ABCA10: variants seen among roughly 807,000 people sequenced by gnomAD.
ABCA10 encodes the protein ATP binding cassette subfamily A member 10, also known as ATP-binding cassette sub-family A member 10.
Under a neutral mutation model 187.5 loss-of-function variants are expected in ABCA10, and 169 were observed. The ratio of observed to expected loss-of-function variants is 0.90; its 90% CI spans 0.80 to 1.02. The LOEUF (loss-of-function observed/expected upper bound fraction) is 1.02, where lower values mean the gene tolerates loss of function less well. ABCA10 is among the 50% of genes least tolerant of loss of function. The pLI, the probability that ABCA10 is intolerant of heterozygous loss-of-function variation, is 0.00. For synonymous variants in ABCA10, 574 were observed against 601.8 expected, an observed-to-expected ratio of 0.95 and a Z score of 0.68; for missense variants, 1,727 against 1,812.4, an observed-to-expected ratio of 0.95 and a Z score of 0.86.
chr17:69,205,020 G>A (rs532395159), intron 9 of ABCA10, among the ~76,000 whole-genome samples: 2 of 152,038 alleles, frequency 1.3e-5, no homozygotes, highest in Non-Finnish European at 2.9e-5. Context: ...TCCAGCTACT[G>A]GGGAGGCTGA....
chr17:69,201,130 C>T (rs755962726), intron 10 of ABCA10, among the ~76,000 whole-genome samples: 24 of 152,190 alleles, frequency 1.6e-4, no homozygotes, highest in Non-Finnish European at 2.5e-4. Context: ...AGTCCCTATA[C>T]TCCCTATGGG....
chr17:69,195,692 G>A (rs1335686211), intron 11 of ABCA10, among the ~76,000 whole-genome samples: 1 of 151,660 alleles, frequency 6.6e-6, no homozygotes, highest in East Asian at 1.9e-4. Context: ...GCTTTCCTAG[G>A]CAGAGGACCC....
intron 27 of ABCA10, among the ~76,000 whole-genome samples, chr17:69,159,335 T>C (rs1026900516): frequency 6.6e-6 from 1 of 152,064 alleles, no homozygotes; most frequent in Admixed American, 6.6e-5. Flanking sequence ...ATATATGTAA[T>C]GGTAGTTCCA....
intron 6 of ABCA10, among the ~76,000 whole-genome samples, chr17:69,217,975 A>G (rs1323283802): frequency 6.6e-6 from 1 of 152,202 alleles, no homozygotes; most frequent in Non-Finnish European, 1.5e-5. Context: ...AAAATCTGCT[A>G]TCTTGTACCC....
rs1258425175 is a variant in ABCA10, at chr17:69,156,925, TAAAAG to T, written c.3364-7_3364-3del. ...GAAAATAACACTCTGAAGGTATGGC[TAAAAG>T]AAAAGAAAAATAATCAGAATTAGCA... On this transcript the variant is annotated splice_polypyrimidine_tract_variant and splice_region_variant and intron_variant, in intron 27 of 38. Transcript: ENST00000690296. The T allele has an allele frequency of 1.3e-6, 2 of 1,548,650 alleles. No homozygotes were observed. The highest frequency in any genetic ancestry group is 1.8e-6 in the Non-Finnish European group (2 of 1,140,280).
At chr17:69,201,145 T>C (rs978191480) in intron 10 of ABCA10, among the ~76,000 whole-genome samples, 1 of 152,244 alleles carries the variant, frequency 6.6e-6, no homozygotes. Flanking sequence ...TATGGGAAGA[T>C]AGTCTAAGTT....
intron 11 of ABCA10, 70 bp from the exon 12 acceptor site, chr17:69,194,565 A>G (rs113498163): frequency 1.4e-5 from 14 of 1,004,818 alleles, no homozygotes; most frequent in African/African-American, 9.8e-5. Flanking sequence ...TAAAATTGGA[A>G]AAGTAAAATA....
chr17:69,228,051 A>G lies in ABCA10; in HGVS notation c.-313+530T>C, dbSNP rs138900197. Among the ~76,000 whole-genome samples, 677 of 152,116 alleles carry G rather than the reference A, an allele frequency of 4.5e-3. 8 individuals carry two copies. The highest frequency in any genetic ancestry group is 0.015 in the African/African-American group (636 of 41,560). On this transcript the variant is annotated intron_variant, in intron 1 of 38. Coordinates refer to ENST00000690296, the MANE Select transcript of ABCA10 (RefSeq NM_001377321.1). ...TATATACAAATTACAATGTTCAGAGAGAACTTGCTATATTTCCCCTTTTTC... is the reference window on the plus strand; with the variant it reads ...TATATACAAATTACAATGTTCAGAGGGAACTTGCTATATTTCCCCTTTTTC...
At chr17:69,187,249 T>C (rs993647164) in intron 19 of ABCA10, among the ~76,000 whole-genome samples, 8 of 152,158 alleles carry the variant, frequency 5.3e-5, no homozygotes, top group Non-Finnish European at 7.4e-5. Flanking sequence ...TTCCACCATA[T>C]ATTTCATACC....
At chr17:69,152,296 C>T (rs991491528) in intron 35 of ABCA10, 66 bp downstream of exon 35, 91 of 1,581,992 alleles carry the variant, frequency 5.8e-5, no homozygotes, top group Non-Finnish European at 7.6e-5. Context: ...ATCAGCTGTT[C>T]ATAGCAAACT....
At chr17:69,166,367 T>C (rs965389340) in intron 25 of ABCA10, among the ~76,000 whole-genome samples, 1 of 151,270 alleles carries the variant, frequency 6.6e-6, no homozygotes, top group African/African-American at 2.4e-5. Context: ...AATTGCTTGA[T>C]ATGTACCATA....
intron 25 of ABCA10, among the ~76,000 whole-genome samples, chr17:69,170,061 G>A (rs765078275): frequency 5.3e-5 from 8 of 152,074 alleles, no homozygotes; most frequent in Non-Finnish European, 7.4e-5. Flanking sequence ...GCCAAGGTAG[G>A]CGGGTCACCT....
intron 1 of ABCA10, chr17:69,235,107 A>C (rs1156297261): frequency 6.6e-6 from 1 of 152,264 alleles, no homozygotes; most frequent in Non-Finnish European, 1.5e-5. Context: ...TTATTTAAAA[A>C]GACGATAAAC....
chr17:69,221,971 T>C (rs1386807678), intron 4 of ABCA10, 76 bp from the exon 5 acceptor site: 1 of 1,067,146 alleles, frequency 9.4e-7, no homozygotes, highest in Non-Finnish European at 1.4e-6. Flanking sequence ...TAACTTTGGC[T>C]CAAAAATCAA....
At chr17:69,232,905 G>A (rs2074840958), upstream of ABCA10, 1 of 152,150 alleles carries the variant, frequency 6.6e-6, no homozygotes, top group South Asian at 2.1e-4. Context: ...GGCCTGTAAG[G>A]TTTCTGCTGG....
intron 25 of ABCA10, among the ~76,000 whole-genome samples, chr17:69,166,567 G>T (rs1411571624): frequency 1.3e-5 from 2 of 152,028 alleles, no homozygotes; most frequent in Admixed American, 1.3e-4. Flanking sequence ...ATACCTATAG[G>T]CTTTAATACA....
chr17:69,163,937 G>A (rs1175849859), intron 27 of ABCA10, 137 bp downstream of exon 27: 1 of 563,108 alleles, frequency 1.8e-6, no homozygotes, highest in East Asian at 3.4e-5. Context: ...TTTAGTTCTT[G>A]CTGCCATTAT....
Position 69,181,735 on chromosome 17 carries a change from A to G in ABCA10, c.2769+418T>C, listed in dbSNP as rs149144984. ...TCAGAATAAGTAATAGCAAACATGT[A>G]TTTGAATGTTTCCTCTTTCCTTTAT... is the stretch of plus-strand genomic sequence containing the variant. On this transcript the variant is annotated intron_variant, in intron 22 of 38. Transcript: ENST00000690296. 3.3e-5 allele frequency among the ~76,000 whole-genome samples: 5 copies of G among 152,108 alleles called. No homozygotes were observed. In the East Asian group the frequency reaches 9.6e-4, roughly 29 times the overall value.
At chr17:69,239,465 A>T (rs1004661579) in intron 1 of ABCA10, among the ~76,000 whole-genome samples, 1 of 152,216 alleles carries the variant, frequency 6.6e-6, no homozygotes, top group African/African-American at 2.4e-5. Flanking sequence ...AACAAAAAGT[A>T]GATTTTTCTG....
Sources: allele counts gnomAD v4.1 joint callset (sites outside exome capture counted in the v4.1 genomes callset), GRCh38; gene constraint gnomAD v4.1.1; transcripts MANE v1.5; gene names NCBI Gene and HGNC (gene_info 2026-07-23, HGNC 2026-07-21).